The following TMC7 variants were observed in gnomAD, a reference collection of about 807,000 sequenced individuals.
TMC7 encodes transmembrane channel-like protein 7.
Under a neutral mutation model 82.9 loss-of-function variants are expected in TMC7, and 54 were observed. That is an observed-to-expected ratio of 0.65 (90% CI 0.52 to 0.82). TMC7 has a LOEUF of 0.82. TMC7 is among the 40% of genes least tolerant of loss of function. TMC7 has a pLI of 0.00. For synonymous variants in TMC7, 350 were observed against 337.9 expected (o/e 1.04, Z -0.39); for missense variants, 820 against 901.2 (o/e 0.91, Z 1.15).
chr16:19,059,727 G>A (rs1961924054), intron 15 of TMC7: 7 of 1,496,374 alleles, frequency 4.7e-6, no homozygotes, highest in Non-Finnish European at 5.4e-6. Flanking sequence ...TGTAATCCCA[G>A]CACTTTTGGG....
At chr16:19,037,824 G>A (rs762358514) in intron 7 of TMC7, 50 bp from the exon 8 acceptor site, 1 of 1,553,966 alleles carries the variant, frequency 6.4e-7, no homozygotes, top group Non-Finnish European at 8.8e-7. Context: ...TTCTATCCCT[G>A]AGTATCCCTT....
rs1182792590 is a variant in TMC7 at position 19,056,641 on chromosome 16, C to T, written c.1971C>T (p.Ser657=). The T allele has an allele frequency of 6.2e-7, 1 of 1,614,094 alleles. No homozygotes were observed. Among genetic ancestry groups the T allele is most frequent in the Admixed American group, 1.7e-5 (1 of 59,972 alleles). Residue 657 remains serine (S), a synonymous_variant, in exon 14 of 16, where the codon TCC becomes TCT. Coordinates refer to ENST00000304381, the MANE Select transcript of TMC7 (RefSeq NM_024847.4). ...GCACCTTCCCCAGCTCGCTGCAGTCCTTCATCCATGGTGTCACATCCGAAG... is the reference window on the plus strand; with the variant it reads ...GCACCTTCCCCAGCTCGCTGCAGTCTTTCATCCATGGTGTCACATCCGAAG... ...TVSTFPSSLQ[S]FIHGVTSEAF...
At chr16:19,009,467 G>T in intron 2 of TMC7, 52 bp downstream of exon 2, 3 of 1,553,220 alleles carry the variant, frequency 1.9e-6, no homozygotes, top group Non-Finnish European at 2.6e-6. Flanking sequence ...TGGCCCAGAG[G>T]TATGTTTTGT....
chr16:19,011,730 A>T (rs1411613815), intron 2 of TMC7, among the ~76,000 whole-genome samples: 1 of 152,140 alleles, frequency 6.6e-6, no homozygotes, highest in South Asian at 2.1e-4. Flanking sequence ...TGAAGAAAAT[A>T]GCAAAACAAA....
At chr16:19,054,789 G>T (rs184341394) in intron 13 of TMC7, among the ~76,000 whole-genome samples, 40 of 143,056 alleles carry the variant, frequency 2.8e-4, no homozygotes, top group African/African-American at 1.0e-3. Flanking sequence ...CTGTCACCCA[G>T]GCTGGAGTGC....
At chr16:19,045,483 G>GCAC (rs1961230183) in intron 11 of TMC7, 45 bp downstream of exon 11, 1 of 1,255,292 alleles carries the variant, frequency 8.0e-7, no homozygotes, top group South Asian at 1.2e-5. Flanking sequence ...CCACACACAT[G>GCAC]CACACACACA....
intron 8 of TMC7, 149 bp downstream of exon 8, chr16:19,038,196 C>T (rs1960846609): frequency 1.3e-6 from 1 of 780,308 alleles, no homozygotes. Context: ...TCAGTTTCCA[C>T]TTTTTTATTT....
intron 1 of TMC7, among the ~76,000 whole-genome samples, chr16:18,997,184 G>A (rs2142135924): frequency 6.6e-6 from 1 of 152,336 alleles, no homozygotes; most frequent in Admixed American, 6.5e-5. Context: ...CCCGTCCTGG[G>A]TTTTGGCATC....
intron 7 of TMC7, 66 bp downstream of exon 7, chr16:19,035,889 G>A: frequency 6.6e-7 from 1 of 1,508,490 alleles, no homozygotes. Context: ...TGGAGCCTGA[G>A]TTTTCAGCTT....
chr16:19,014,806 C>G (rs1484048506), intron 2 of TMC7, among the ~76,000 whole-genome samples: 2 of 152,130 alleles, frequency 1.3e-5, no homozygotes, highest in Admixed American at 6.6e-5. Context: ...TCTGTTGCAA[C>G]TACTTAATTC....
Position 19,023,096 on chromosome 16 carries a change from G to C in TMC7, c.629-17G>C. 1 of 1,549,178 alleles carries C rather than the reference G, an allele frequency of 6.5e-7. No individual in the cohort carries two copies. Among genetic ancestry groups the C allele is most frequent in the South Asian group, 1.2e-5 (1 of 86,538 alleles). On this transcript the variant is annotated splice_polypyrimidine_tract_variant and intron_variant, in intron 4 of 15. Transcript: ENST00000304381. The stretch of plus-strand genomic sequence containing the variant: ...TAAAACTGTTTCCACTGACATTCTG[G>C]TTTTTGTTTCTTACAGATAAACAAT...
chr16:19,036,885 C>T (rs138731618), intron 7 of TMC7, among the ~76,000 whole-genome samples: 26 of 152,212 alleles, frequency 1.7e-4, no homozygotes, highest in Admixed American at 5.9e-4. Context: ...ACACTAAATA[C>T]GAACTGATTA....
chr16:19,007,776 C>G (rs978846676), intron 1 of TMC7, among the ~76,000 whole-genome samples: 2 of 151,138 alleles, frequency 1.3e-5, no homozygotes, highest in Admixed American at 6.6e-5. Flanking sequence ...TGACACCACT[C>G]TGTTCTTTTT....
rs757078325 is a variant in TMC7, at chr16:19,009,327, T to C, written c.223T>C (p.Ser75Pro). Residue 75 changes from serine (S) to proline (P), a missense_variant, in exon 2 of 16, where the codon TCC (serine) becomes CCC (proline). Coordinates refer to ENST00000304381, the MANE Select transcript of TMC7 (RefSeq NM_024847.4). ...TLLKPTDSYS[S>P]QLEDRIAENL... is the part of the protein sequence containing the mutation. The stretch of plus-strand genomic sequence containing the variant: ...GCTAAAGCCAACCGACTCTTACAGC[T>C]CCCAGCTGGAGGACAGAATCGCTGA... 3 of 1,614,122 alleles carry C rather than the reference T, an allele frequency of 1.9e-6. No individual in the cohort carries two copies. The highest frequency in any genetic ancestry group is 2.5e-6 in the Non-Finnish European group (3 of 1,180,042).
At chr16:19,002,517 G>A (rs1398955657) in intron 1 of TMC7, among the ~76,000 whole-genome samples, 6 of 151,868 alleles carry the variant, frequency 4.0e-5, no homozygotes, top group South Asian at 2.1e-4. Flanking sequence ...GATTACAGGC[G>A]TGAGCCACAG....
intron 12 of TMC7, among the ~76,000 whole-genome samples, chr16:19,048,667 C>T (rs548527194): frequency 1.1e-4 from 17 of 152,112 alleles, no homozygotes; most frequent in Admixed American, 2.0e-4. Context: ...GTGATCTGCC[C>T]GCCTCAGCCT....
chr16:19,039,096 T>TC (rs1567522371), intron 8 of TMC7, among the ~76,000 whole-genome samples: 1 of 147,548 alleles, frequency 6.8e-6, no homozygotes, highest in Non-Finnish European at 1.5e-5. Context: ...TTTTTTCTTT[T>TC]TTTTTTTTTT....
At chr16:19,036,640 A>G (rs1381756506) in intron 7 of TMC7, among the ~76,000 whole-genome samples, 5 of 148,972 alleles carry the variant, frequency 3.4e-5, no homozygotes, top group Admixed American at 6.7e-5. Context: ...CAATTGAACC[A>G]GGAGGCAGAG....
chr16:19,060,350 G>A (rs953303539), intron 15 of TMC7, among the ~76,000 whole-genome samples: 4 of 151,232 alleles, frequency 2.6e-5, no homozygotes, highest in Non-Finnish European at 4.4e-5. Context: ...GACTACAGGC[G>A]TGCATCACCA....
Sources: allele counts gnomAD v4.1 joint callset (sites outside exome capture counted in the v4.1 genomes callset), GRCh38; gene constraint gnomAD v4.1.1; transcripts MANE v1.5; gene names NCBI Gene and HGNC (gene_info 2026-07-23, HGNC 2026-07-21).